The following HMGN3 variants were observed in gnomAD, a reference collection of about 807,000 sequenced individuals.
HMGN3 encodes the protein high mobility group nucleosomal binding domain 3.
HMGN3 carries 6 observed loss-of-function variants against 18.8 expected under a neutral mutation model. That is an observed-to-expected ratio of 0.32 (90% CI 0.18 to 0.63). The LOEUF (loss-of-function observed/expected upper bound fraction) is 0.63. HMGN3 is among the 30% of genes least tolerant of loss of function. HMGN3 has a pLI of 0.79. For missense variants in HMGN3, 107 were observed against 114.2 expected, an observed-to-expected ratio of 0.94 and a Z score of 0.29; for synonymous variants, 40 against 36.5, an observed-to-expected ratio of 1.10 and a Z score of -0.35.
At chr6:79,224,959 A>T (rs1469927833) in intron 1 of HMGN3, among the ~76,000 whole-genome samples, 1 of 152,262 alleles carries the variant, frequency 6.6e-6, no homozygotes, top group Non-Finnish European at 1.5e-5. Flanking sequence ...GTTGCTTAGG[A>T]CAAATAAAAT....
intron 1 of HMGN3, among the ~76,000 whole-genome samples, chr6:79,216,839 G>A (rs896054214): frequency 7.9e-5 from 12 of 152,120 alleles, no homozygotes; most frequent in African/African-American, 2.9e-4. Context: ...CAGACCCTTG[G>A]TTGTCTAGGA....
intron 1 of HMGN3, among the ~76,000 whole-genome samples, chr6:79,229,679 C>A (rs533053926): frequency 6.6e-6 from 1 of 152,244 alleles, no homozygotes; most frequent in South Asian, 2.1e-4. Flanking sequence ...AGATCAAGAC[C>A]ATCCTGGCTA....
At chr6:79,232,621 C>T (rs750988443) in intron 1 of HMGN3, among the ~76,000 whole-genome samples, 5 of 150,948 alleles carry the variant, frequency 3.3e-5, no homozygotes, top group Non-Finnish European at 5.9e-5. Flanking sequence ...TTTTTCCTTC[C>T]GTCTCCTTGA....
At chr6:79,221,210 G>T (rs1777265209) in intron 1 of HMGN3, among the ~76,000 whole-genome samples, 1 of 152,102 alleles carries the variant, frequency 6.6e-6, no homozygotes, top group South Asian at 2.1e-4. Flanking sequence ...TATCAATCTG[G>T]TTTATATTGC....
intron 1 of HMGN3, among the ~76,000 whole-genome samples, chr6:79,223,735 T>C (rs1777419327): frequency 1.7e-5 from 1 of 59,264 alleles, no homozygotes; most frequent in African/African-American, 3.2e-5. Context: ...TTCACTAGAG[T>C]TACCTTTTTT....
chr6:79,230,548 T>G (rs1363167624), intron 1 of HMGN3, among the ~76,000 whole-genome samples: 1 of 152,200 alleles, frequency 6.6e-6, no homozygotes, highest in Non-Finnish European at 1.5e-5. Flanking sequence ...TAAACCAGAT[T>G]GGTTATTTTA....
exon 5 of HMGN3, chr6:79,202,322 T>C: frequency 1.2e-6 from 2 of 1,614,198 alleles, no homozygotes; most frequent in Non-Finnish European, 1.7e-6. Flanking sequence ...AGTACCTTCC[T>C]TTCCAGCTTC....
At chr6:79,233,088 A>T (rs1308545906) in intron 1 of HMGN3, among the ~76,000 whole-genome samples, 2 of 152,190 alleles carry the variant, frequency 1.3e-5, no homozygotes, top group African/African-American at 4.8e-5. Context: ...GAAATGGGTG[A>T]GAATAAGACT....
At chr6:79,229,865 C>G (rs1159597287) in intron 1 of HMGN3, among the ~76,000 whole-genome samples, 1 of 151,974 alleles carries the variant, frequency 6.6e-6, no homozygotes, top group Non-Finnish European at 1.5e-5. Flanking sequence ...GCGACTGAGC[C>G]AGACTCCGCC....
intron 2 of HMGN3, among the ~76,000 whole-genome samples, 161 bp downstream of exon 2, chr6:79,214,811 T>C (rs1360581369): frequency 6.6e-6 from 1 of 152,228 alleles, no homozygotes; most frequent in Admixed American, 6.5e-5. Flanking sequence ...AGACTACATA[T>C]AGACACTTAT....
At chr6:79,213,006 A>G (rs141134503) in intron 2 of HMGN3, among the ~76,000 whole-genome samples, 1 of 151,940 alleles carries the variant, frequency 6.6e-6, no homozygotes, top group African/African-American at 2.4e-5. Flanking sequence ...CATTTTTATT[A>G]ACAACCAAAA....
At chr6:79,213,139 C>T (rs1260943703) in intron 2 of HMGN3, among the ~76,000 whole-genome samples, 1 of 151,694 alleles carries the variant, frequency 6.6e-6, no homozygotes, top group South Asian at 2.1e-4. Context: ...CACTTGGAGG[C>T]TGAGATGGGA....
At chr6:79,209,859 C>A (rs538508379) in intron 2 of HMGN3, among the ~76,000 whole-genome samples, 115 of 152,290 alleles carry the variant, frequency 7.6e-4, no homozygotes, top group African/African-American at 2.7e-3. Flanking sequence ...AGGGCCAGAG[C>A]CTCCATGAAT....
chr6:79,230,099 G>A (rs887425514), intron 1 of HMGN3, among the ~76,000 whole-genome samples: 4 of 152,104 alleles, frequency 2.6e-5, no homozygotes, highest in African/African-American at 7.2e-5. Context: ...AACACTACTG[G>A]ACAATAAAAA....
intron 1 of HMGN3, among the ~76,000 whole-genome samples, chr6:79,222,156 A>G (rs2127832484): frequency 6.6e-6 from 1 of 152,344 alleles, no homozygotes; most frequent in South Asian, 2.1e-4. Flanking sequence ...TGGTATATAT[A>G]ACAGTGCAAA....
chr6:79,216,273 G>C lies in HMGN3; in HGVS notation c.16-1251C>G, dbSNP rs146887370. 3.5e-3 allele frequency among the ~76,000 whole-genome samples: 536 copies of C among 152,202 alleles called. 4 individuals carry two copies. The highest frequency in any genetic ancestry group is 0.012 in the African/African-American group (495 of 41,534). ...ATAAGTGGAAGCAACTCATGTATCA[G>C]TAAATAATAGAGAAATGATTAAGTA... On this transcript the variant is annotated intron_variant, in intron 1 of 5. Transcript: ENST00000344726.
At chr6:79,215,108 GGACAA>G (rs1208414324) in intron 1 of HMGN3, 86 bp from the exon 2 acceptor site, 1 of 798,500 alleles carries the variant, frequency 1.3e-6, no homozygotes, top group African/African-American at 1.8e-5. Context: ...CTCATTCCCA[GGACAA>G]GACAAGCCAA....
At chr6:79,227,494 C>T (rs1256240396) in intron 1 of HMGN3, among the ~76,000 whole-genome samples, 2 of 152,174 alleles carry the variant, frequency 1.3e-5, no homozygotes, top group Non-Finnish European at 1.5e-5. Context: ...CACTGTGATT[C>T]TCTTAATAAT....
At position 79,232,234 on chromosome 6, in the gene HMGN3, T is replaced by C. The variant is rs16879574; in HGVS notation, c.15+2312A>G. On this transcript the variant is annotated intron_variant, in intron 1 of 5. Coordinates refer to ENST00000344726, the Ensembl canonical transcript of HMGN3. ...ATGGATTGTCTCCAGTTCTTTTTTG[T>C]ATCTAAGCAGGCTTTACCTAATGAC... Among the ~76,000 whole-genome samples the C allele has an allele frequency of 4.0e-3, 616 of 152,300 alleles. 7 individuals carry two copies. Among genetic ancestry groups the C allele is most frequent in the African/African-American group, 0.014 (593 of 41,562 alleles).
Sources: gnomAD v4.1 joint callset for allele counts (sites outside exome capture counted in the v4.1 genomes callset) on GRCh38, gnomAD v4.1.1 for gene constraint, MANE v1.5 for transcripts, NCBI Gene and HGNC (gene_info 2026-07-23, HGNC 2026-07-21) for gene names.